KIAA1328: variants seen among roughly 807,000 people sequenced by gnomAD.
KIAA1328 encodes the protein KIAA1328.
In KIAA1328, 52 loss-of-function variants were observed where a neutral mutation model predicts 68.1. The observed-to-expected ratio is 0.76, with a 90% CI of 0.61 to 0.96. The LOEUF (loss-of-function observed/expected upper bound fraction) is 0.96, where lower values mean the gene tolerates loss of function less well. Among genes scored for constraint, KIAA1328 ranks in the 40% least tolerant of loss-of-function variants. KIAA1328 has a pLI of 0.00. For synonymous variants in KIAA1328, 232 were observed against 239.4 expected (o/e 0.97, Z 0.28); for missense variants, 641 against 677.6 (o/e 0.95, Z 0.60).
At chr18:37,160,448 T>G (rs902259742) in intron 8 of KIAA1328, 67 bp downstream of exon 8, 2 of 1,396,206 alleles carry the variant, frequency 1.4e-6, no homozygotes, top group Non-Finnish European at 2.0e-6. Context: ...AGCCAATGAA[T>G]TTCAGATGAT....
intron 7 of KIAA1328, among the ~76,000 whole-genome samples, chr18:37,086,075 C>T (rs1049287851): frequency 6.6e-5 from 10 of 152,142 alleles, no homozygotes; most frequent in African/African-American, 2.4e-4. Context: ...TCAATGGTCA[C>T]CAGGGCCTGG....
intron 6 of KIAA1328, among the ~76,000 whole-genome samples, chr18:37,004,304 C>G (rs1361821262): frequency 6.6e-6 from 1 of 151,880 alleles, no homozygotes; most frequent in Non-Finnish European, 1.5e-5. Context: ...CTTTCACCTC[C>G]TTGGTTAGGT....
At chr18:36,983,710 C>T (rs1023642436) in intron 6 of KIAA1328, among the ~76,000 whole-genome samples, 6 of 152,054 alleles carry the variant, frequency 3.9e-5, no homozygotes, top group African/African-American at 1.4e-4. Context: ...AAGAAATACT[C>T]TATTTTCTAC....
chr18:37,102,890 T>A (rs1297855921), intron 7 of KIAA1328, among the ~76,000 whole-genome samples: 3 of 152,324 alleles, frequency 2.0e-5, no homozygotes, highest in South Asian at 2.1e-4. Flanking sequence ...TGTACACTTA[T>A]AATTAACTCA....
chr18:36,984,087 T>A (rs573414843), intron 6 of KIAA1328, among the ~76,000 whole-genome samples: 1 of 152,222 alleles, frequency 6.6e-6, no homozygotes, highest in East Asian at 1.9e-4. Context: ...AAACTGGAAA[T>A]GTGAGGATAC....
intron 7 of KIAA1328, among the ~76,000 whole-genome samples, chr18:37,133,956 A>C (rs1239291670): frequency 6.6e-6 from 1 of 151,870 alleles, no homozygotes; most frequent in Non-Finnish European, 1.5e-5. Context: ...CTATGAACTC[A>C]TCATTTATCA....
intron 5 of KIAA1328, among the ~76,000 whole-genome samples, chr18:36,951,850 A>T (rs1222157744): frequency 2.6e-5 from 4 of 151,956 alleles, no homozygotes; most frequent in Non-Finnish European, 5.9e-5. Flanking sequence ...TGCCCCTCTC[A>T]TCTCTTGCTT....
rs2057257075 is a variant in KIAA1328 at position 37,091,186 on chromosome 18, AAAG to A, written c.1232+23645_1232+23647del. ...GTCACCCAGAACTCACTTCCTCTAC[AAAG>A]AAGGATCAAAACAGTAAATAAATAA... On this transcript the variant is annotated intron_variant, in intron 7 of 9. Transcript: ENST00000280020. Among the ~76,000 whole-genome samples, 3 of 152,328 alleles carry A rather than the reference AAAG, an allele frequency of 2.0e-5. No individual in the cohort carries two copies. In the South Asian group the frequency reaches 6.2e-4, roughly 32 times the overall value.
intron 4 of KIAA1328, among the ~76,000 whole-genome samples, chr18:36,858,693 A>G (rs1028258352): frequency 6.6e-6 from 1 of 152,158 alleles, no homozygotes; most frequent in African/African-American, 2.4e-5. Context: ...TTTGAAAAAT[A>G]CTGGTCAGTT....
At chr18:37,183,072 A>T (rs373665861) in intron 9 of KIAA1328, among the ~76,000 whole-genome samples, 1 of 152,130 alleles carries the variant, frequency 6.6e-6, no homozygotes, top group Non-Finnish European at 1.5e-5. Flanking sequence ...AAATTTTCCA[A>T]TGTTTTGAGA....
downstream of KIAA1328, among the ~76,000 whole-genome samples, chr18:37,227,500 T>C (rs1237292896): frequency 6.6e-6 from 1 of 152,190 alleles, no homozygotes; most frequent in African/African-American, 2.4e-5. Flanking sequence ...CCAATGCCCA[T>C]TTACAATTCC....
chr18:36,938,212 G>A (rs745529030), intron 5 of KIAA1328, among the ~76,000 whole-genome samples: 7 of 151,972 alleles, frequency 4.6e-5, no homozygotes, highest in Non-Finnish European at 7.4e-5. Flanking sequence ...ATTTACATTC[G>A]CAAGAACAGT....
chr18:37,187,069 C>T (rs751069523), intron 9 of KIAA1328, among the ~76,000 whole-genome samples: 4 of 151,774 alleles, frequency 2.6e-5, no homozygotes, highest in South Asian at 2.1e-4. Context: ...GAGGCTGAGG[C>T]AGGAGAATCG....
At chr18:37,193,387 T>G (rs1325407421) in intron 9 of KIAA1328, among the ~76,000 whole-genome samples, 4 of 152,204 alleles carry the variant, frequency 2.6e-5, no homozygotes, top group African/African-American at 7.2e-5. Flanking sequence ...TTAAATGGAA[T>G]AAACAAAGAG....
At chr18:36,924,186 T>C (rs1203607559) in intron 5 of KIAA1328, among the ~76,000 whole-genome samples, 1 of 152,156 alleles carries the variant, frequency 6.6e-6, no homozygotes, top group East Asian at 1.9e-4. Flanking sequence ...TGATTTTGAG[T>C]ATAATATTTT....
chr18:36,958,770 C>T (rs1420710876), intron 5 of KIAA1328, among the ~76,000 whole-genome samples: 3 of 152,124 alleles, frequency 2.0e-5, no homozygotes, highest in East Asian at 1.9e-4. Flanking sequence ...TATTTTCTCT[C>T]ATTCAGGGGG....
chr18:36,980,330 G>GC (rs960835322), intron 6 of KIAA1328, among the ~76,000 whole-genome samples: 6 of 152,178 alleles, frequency 3.9e-5, no homozygotes, highest in African/African-American at 1.4e-4. Context: ...TGCAGGTGAA[G>GC]ACCTAGTTCC....
intron 7 of KIAA1328, among the ~76,000 whole-genome samples, chr18:37,147,054 A>G (rs1432336605): frequency 1.3e-5 from 2 of 152,078 alleles, no homozygotes; most frequent in Non-Finnish European, 2.9e-5. Context: ...CCCACCTCTC[A>G]CCATGTACTA....
chr18:36,839,657 G>C (rs2046794219), intron 3 of KIAA1328, among the ~76,000 whole-genome samples: 1 of 152,006 alleles, frequency 6.6e-6, no homozygotes, highest in Non-Finnish European at 1.5e-5. Context: ...TTGCCTTTTT[G>C]GGTTCTGAGA....
Sources: allele counts gnomAD v4.1 joint callset (sites outside exome capture counted in the v4.1 genomes callset), GRCh38; gene constraint gnomAD v4.1.1; transcripts MANE v1.5; gene names NCBI Gene and HGNC (gene_info 2026-07-23, HGNC 2026-07-21).